The following ABCB4 variants were observed in gnomAD, a reference collection of about 807,000 sequenced individuals.
ABCB4 encodes ATP binding cassette subfamily B member 4.
A neutral mutation model predicts 145.7 loss-of-function variants in ABCB4; 76 were observed. The ratio of observed to expected loss-of-function variants is 0.52; its 90% CI spans 0.43 to 0.63. The LOEUF is 0.63. Ranked by LOEUF, ABCB4 falls within the 30% of genes least tolerant of loss-of-function variation. The pLI, the probability that ABCB4 is intolerant of heterozygous loss-of-function variation, is 0.00. For missense variants in ABCB4, 1,234 were observed against 1,553.1 expected (o/e 0.79, Z 3.45); for synonymous variants, 517 against 566.8 (o/e 0.91, Z 1.25).
intron 14 of ABCB4, among the ~76,000 whole-genome samples, chr7:87,436,488 ACAGT>A (rs1810618952): frequency 6.6e-6 from 1 of 152,216 alleles, no homozygotes; most frequent in African/African-American, 2.4e-5. Context: ...AGTCTTTAAG[ACAGT>A]CCTTCAGCTT....
Position 87,402,241 on chromosome 7 carries a change from C to A in ABCB4, c.3695G>T (p.Arg1232Leu), listed in dbSNP as rs1160711086. ...GTCTGCATTCTGGATGGTGGACAGG[C>A]GGTGAGCAATCACAATGCAGGTGCG... ...EGRTCIVIAH[R>L]LSTIQNADLI... The change falls in exon 28 of 28, where the codon CGC becomes CTC. Residue 1232 changes from arginine to leucine, a missense_variant. Transcript: ENST00000649586. 3.1e-6 allele frequency: 5 copies of A among 1,613,892 alleles called. No homozygotes were observed. Among genetic ancestry groups the A allele is most frequent in the African/African-American group, 2.7e-5 (2 of 74,902 alleles).
the ABCB4 span, among the ~76,000 whole-genome samples, chr7:87,383,255 TCTC>T: frequency 6.6e-6 from 1 of 152,100 alleles, no homozygotes; most frequent in Non-Finnish European, 1.5e-5. Context: ...TTCTCTTCAA[TCTC>T]CTCTCCCCCC....
At chr7:87,430,800 T>C (rs1004442915) in intron 15 of ABCB4, among the ~76,000 whole-genome samples, 1 of 152,198 alleles carries the variant, frequency 6.6e-6, no homozygotes, top group Non-Finnish European at 1.5e-5. Flanking sequence ...GTGCTGGGAT[T>C]ACAGGCATGA....
rs562098508 is a variant in ABCB4 at position 87,448,118 on chromosome 7, AT to A, written c.834-914del. 8.7e-3 allele frequency among the ~76,000 whole-genome samples: 1,323 copies of A among 152,112 alleles called. 14 individuals carry two copies. The highest frequency in any genetic ancestry group is 0.048 in the Middle Eastern group (14 of 294). On this transcript the variant is annotated intron_variant, in intron 8 of 27. Transcript: ENST00000649586. ...TCTAGAATGATTCTGTTAAATTACA[AT>A]TTTTTTTCATCAAGTTAAATCAAAT...
chr7:87,422,352 TGTG>T, intron 17 of ABCB4, 127 bp from the exon 18 acceptor site: 1 of 769,942 alleles, frequency 1.3e-6, no homozygotes, highest in Non-Finnish European at 2.2e-6. Context: ...TTTTGGTAAT[TGTG>T]GTAAAATATA....
At chr7:87,427,710 T>C (rs1167336993) in intron 15 of ABCB4, among the ~76,000 whole-genome samples, 1 of 152,196 alleles carries the variant, frequency 6.6e-6, no homozygotes, top group East Asian at 1.9e-4. Context: ...AACCCAATCC[T>C]TTGGCTAGTG....
chr7:87,471,901 C>A (rs1158434703), intron 3 of ABCB4, among the ~76,000 whole-genome samples: 3 of 152,106 alleles, frequency 2.0e-5, no homozygotes, highest in African/African-American at 7.2e-5. Context: ...ATGTAGATTC[C>A]TTAAATTAAA....
intron 5 of ABCB4, 118 bp downstream of exon 5, chr7:87,454,417 G>T: frequency 1.2e-6 from 1 of 832,694 alleles, no homozygotes; most frequent in Non-Finnish European, 1.9e-6. Flanking sequence ...GAGCAAAAAT[G>T]ATAATAATAG....
intron 6 of ABCB4, chr7:87,452,696 C>T (rs1811827498): frequency 3.6e-6 from 2 of 548,274 alleles, no homozygotes; most frequent in Non-Finnish European, 6.5e-6. Flanking sequence ...GTAGAAAGTT[C>T]CATGAGAAAT....
chr7:87,441,552 T>A (rs1018687762), intron 12 of ABCB4, among the ~76,000 whole-genome samples: 4 of 151,930 alleles, frequency 2.6e-5, no homozygotes, highest in African/African-American at 9.7e-5. Flanking sequence ...ATATAATAAA[T>A]CTTTTGTTCC....
chr7:87,413,251 C>A (rs1250268610), intron 22 of ABCB4, among the ~76,000 whole-genome samples: 2 of 152,168 alleles, frequency 1.3e-5, no homozygotes, highest in East Asian at 3.8e-4. Context: ...TAGCAAGTCT[C>A]ACTTTTGGTT....
chr7:87,420,993 A>C (rs1809375978), intron 18 of ABCB4, among the ~76,000 whole-genome samples: 1 of 152,198 alleles, frequency 6.6e-6, no homozygotes, highest in South Asian at 2.1e-4. Context: ...CTTAGAAACA[A>C]GATCCAAATG....
Position 87,408,114 on chromosome 7 carries a change from C to T in ABCB4, c.3202G>A (p.Val1068Met). 1.9e-6 allele frequency: 3 copies of T among 1,614,264 alleles called. No homozygotes were observed. The highest frequency in any genetic ancestry group is 2.5e-6 in the Non-Finnish European group (3 of 1,180,040). Reference protein sequence around the residue: ...EVKKGQTLALVGSSGCGKSTV... With the variant: ...EVKKGQTLALMGSSGCGKSTV... ...CTCTTCCCACAGCCACTGCTGCCCA[C>T]CAGGGCTAGTGTCTGGCCTTTCTTC... is the stretch of plus-strand genomic sequence containing the variant. Residue 1068 changes from valine (V) to methionine (M), a missense_variant, in exon 25 of 28, where the codon GTG becomes ATG. By Grantham distance (21) the Val-to-Met change is conservative. This residue lies in a region of ABCB4 where 301 missense variants were observed against 389.0 expected (regional missense o/e 0.77). Coordinates refer to ENST00000649586, the MANE Select transcript of ABCB4 (RefSeq NM_000443.4).
intron 26 of ABCB4, among the ~76,000 whole-genome samples, chr7:87,405,521 G>A (rs1808122122): frequency 6.7e-6 from 1 of 149,882 alleles, no homozygotes; most frequent in African/African-American, 2.5e-5. Context: ...CCGTTTCTCA[G>A]GTTCAGGCGA....
At chr7:87,409,067 A>G (rs1191791025) in intron 24 of ABCB4, among the ~76,000 whole-genome samples, 169 bp downstream of exon 24, 1 of 151,944 alleles carries the variant, frequency 6.6e-6, no homozygotes, top group Non-Finnish European at 1.5e-5. Flanking sequence ...CACCTATAAA[A>G]TTTTTAAATG....
At chr7:87,443,795 G>A (rs1257516223) in intron 10 of ABCB4, 22 bp from the exon 11 acceptor site, 3 of 1,552,124 alleles carry the variant, frequency 1.9e-6, no homozygotes, top group Admixed American at 1.7e-5. Context: ...AAAATGTAAT[G>A]ACTATTCCAT....
the ABCB4 span, among the ~76,000 whole-genome samples, chr7:87,386,385 A>G: frequency 2.6e-5 from 4 of 152,020 alleles, no homozygotes; most frequent in East Asian, 3.9e-4. Flanking sequence ...TTATGTTTCA[A>G]TCTCAGGTTG....
intron 6 of ABCB4, 126 bp downstream of exon 6, chr7:87,452,818 T>TGATC (rs1400436560): frequency 9.0e-6 from 10 of 1,110,058 alleles, no homozygotes; most frequent in Non-Finnish European, 1.1e-5. Context: ...GGCTGCCAGA[T>TGATC]GATCGATTTC....
the ABCB4 span, chr7:87,391,473 A>C: frequency 1.1e-6 from 1 of 932,346 alleles, no homozygotes; most frequent in Non-Finnish European, 1.5e-6. Flanking sequence ...TCTCCAACCT[A>C]TCTGTGTTAA....
Sources: allele counts gnomAD v4.1 joint callset (sites outside exome capture counted in the v4.1 genomes callset), GRCh38; gene constraint gnomAD v4.1.1; regional missense constraint gnomAD v4.1.1; transcripts MANE v1.5; gene names NCBI Gene and HGNC (gene_info 2026-07-23, HGNC 2026-07-21).